DOCK4: variants seen among roughly 807,000 people sequenced by gnomAD.
The protein encoded by DOCK4 is dedicator of cytokinesis 4, also known as dedicator of cytokinesis protein 4.
A neutral mutation model predicts 268.1 loss-of-function variants in DOCK4; 97 were observed. The ratio of observed to expected loss-of-function variants is 0.36; its 90% CI spans 0.31 to 0.43. The LOEUF (loss-of-function observed/expected upper bound fraction) is 0.43. Ranked by LOEUF, DOCK4 falls within the 20% of genes least tolerant of loss-of-function variation. DOCK4 has a pLI of 1.00. For synonymous variants in DOCK4, 954 were observed against 887.2 expected (o/e 1.08, Z -1.34); for missense variants, 2,145 against 2,455.7 (o/e 0.87, Z 2.67).
intron 8 of DOCK4, among the ~76,000 whole-genome samples, chr7:111,964,466 T>C (rs1262969723): frequency 2.1e-4 from 21 of 99,200 alleles, no homozygotes; most frequent in Non-Finnish European, 3.4e-4. Context: ...CAATGGAAGA[T>C]GAAATGAATG....
At chr7:112,201,631 T>G (rs917354449) in intron 1 of DOCK4, among the ~76,000 whole-genome samples, 1 of 149,470 alleles carries the variant, frequency 6.7e-6, no homozygotes, top group Non-Finnish European at 1.5e-5. Flanking sequence ...CCATGAATAA[T>G]TCCCACCACT....
chr7:112,026,703 T>G (rs936492050), intron 1 of DOCK4, among the ~76,000 whole-genome samples: 3 of 152,250 alleles, frequency 2.0e-5, no homozygotes, highest in African/African-American at 7.2e-5. Context: ...CTACTGTTTA[T>G]GCCTGCTTTT....
intron 39 of DOCK4, among the ~76,000 whole-genome samples, chr7:111,761,861 C>T (rs1797426739): frequency 6.6e-6 from 1 of 152,134 alleles, no homozygotes; most frequent in African/African-American, 2.4e-5. Context: ...AGATTTAAAA[C>T]TTTATAGATA....
intron 1 of DOCK4, among the ~76,000 whole-genome samples, chr7:112,139,011 AC>A (rs1814634737): frequency 6.6e-6 from 1 of 152,028 alleles, no homozygotes. Context: ...TGGAATTCCA[AC>A]CTCCAGAGCT....
At chr7:112,110,102 C>A (rs57227546) in intron 1 of DOCK4, among the ~76,000 whole-genome samples, 2 of 152,194 alleles carry the variant, frequency 1.3e-5, no homozygotes, top group African/African-American at 2.4e-5. Context: ...TGGATGCCCT[C>A]TCAGAGAAGC....
intron 1 of DOCK4, among the ~76,000 whole-genome samples, chr7:112,149,517 A>C (rs1815847366): frequency 6.6e-6 from 1 of 151,876 alleles, no homozygotes; most frequent in African/African-American, 2.4e-5. Flanking sequence ...AGGTTTAAAA[A>C]AAAAAGGAGG....
chr7:111,733,562 G>A (rs182053648), intron 51 of DOCK4, among the ~76,000 whole-genome samples: 5 of 152,276 alleles, frequency 3.3e-5, no homozygotes, highest in East Asian at 1.9e-4. Context: ...CTGCCTTAAC[G>A]GTGGTAGAAA....
chr7:111,953,459 T>A (rs1355682699), intron 8 of DOCK4, among the ~76,000 whole-genome samples: 1 of 152,196 alleles, frequency 6.6e-6, no homozygotes, highest in Non-Finnish European at 1.5e-5. Context: ...TTCTCCTGCA[T>A]TCTGTCAAAT....
intron 1 of DOCK4, among the ~76,000 whole-genome samples, chr7:112,018,808 T>C (rs1029534325): frequency 6.6e-6 from 1 of 151,630 alleles, no homozygotes; most frequent in Non-Finnish European, 1.5e-5. Flanking sequence ...ACAAATGAGA[T>C]AAATTTTCCA....
chr7:112,108,139 T>C (rs1397638328), intron 1 of DOCK4, among the ~76,000 whole-genome samples: 2 of 152,204 alleles, frequency 1.3e-5, no homozygotes, highest in Non-Finnish European at 2.9e-5. Flanking sequence ...ATTAGTATAA[T>C]ACAAACATTT....
At chr7:112,113,591 A>T (rs28457594) in intron 1 of DOCK4, among the ~76,000 whole-genome samples, 1,697 of 152,108 alleles carry the variant, frequency 0.011, 32 homozygotes, top group African/African-American at 0.039. Flanking sequence ...TATATATTTC[A>T]GAGATAGGGT....
At chr7:112,109,945 T>C (rs1027273728) in intron 1 of DOCK4, among the ~76,000 whole-genome samples, 6 of 150,982 alleles carry the variant, frequency 4.0e-5, no homozygotes, top group Admixed American at 2.0e-4. Context: ...GGGGTTTCAC[T>C]GTGTTAGCCA....
intron 4 of DOCK4, among the ~76,000 whole-genome samples, chr7:111,994,655 C>G (rs1004252170): frequency 6.6e-6 from 1 of 152,146 alleles, no homozygotes; most frequent in Admixed American, 6.5e-5. Context: ...ATTCAATCAC[C>G]AGGACATGAT....
chr7:111,899,690 A>T (rs1790968221), intron 15 of DOCK4, among the ~76,000 whole-genome samples: 1 of 152,170 alleles, frequency 6.6e-6, no homozygotes, highest in African/African-American at 2.4e-5. Context: ...TGGGAGGCCG[A>T]GGCGGGTGGA....
chr7:111,873,944 T>C (rs1806635110), intron 17 of DOCK4, among the ~76,000 whole-genome samples: 1 of 152,190 alleles, frequency 6.6e-6, no homozygotes, highest in Admixed American at 6.5e-5. Flanking sequence ...CTGAAAATGT[T>C]GACTATTCAG....
At chr7:111,801,918 G>C (rs1266437531) in intron 30 of DOCK4, among the ~76,000 whole-genome samples, 2 of 148,898 alleles carry the variant, frequency 1.3e-5, no homozygotes, top group Non-Finnish European at 3.0e-5. Flanking sequence ...AGCCAGGATA[G>C]TCTTAACCTC....
At chr7:111,906,721 AG>A (rs1182608853) in intron 13 of DOCK4, among the ~76,000 whole-genome samples, 1 of 152,050 alleles carries the variant, frequency 6.6e-6, no homozygotes, top group Non-Finnish European at 1.5e-5. Flanking sequence ...TGAAAAAGGG[AG>A]GGGGAAGGGT....
intron 23 of DOCK4, among the ~76,000 whole-genome samples, chr7:111,856,946 G>T (rs1805059101): frequency 6.6e-6 from 1 of 152,078 alleles, no homozygotes; most frequent in Non-Finnish European, 1.5e-5. Context: ...TCTGCTTCTA[G>T]AGAAAAAAGA....
At chr7:111,873,207 G>A (rs1806566613) in intron 17 of DOCK4, among the ~76,000 whole-genome samples, 1 of 152,180 alleles carries the variant, frequency 6.6e-6, no homozygotes, top group African/African-American at 2.4e-5. Flanking sequence ...TAAGCACAGG[G>A]CCCAGCTCTT....
Sources: allele counts gnomAD v4.1 joint callset (sites outside exome capture counted in the v4.1 genomes callset), GRCh38; gene constraint gnomAD v4.1.1; transcripts MANE v1.5; gene names NCBI Gene and HGNC (gene_info 2026-07-23, HGNC 2026-07-21).